The following TRIM5 variants were observed in gnomAD, a reference collection of about 807,000 sequenced individuals.
TRIM5 encodes tripartite motif-containing protein 5.
TRIM5 carries 31 observed loss-of-function variants against 35.6 expected under a neutral mutation model. The observed-to-expected ratio is 0.87, with a 90% CI of 0.65 to 1.18. The LOEUF (loss-of-function observed/expected upper bound fraction) is 1.18. Ranked by LOEUF, TRIM5 falls within the 50% of genes most tolerant of loss-of-function variation. The pLI, the probability that TRIM5 is intolerant of heterozygous loss-of-function variation, is 0.00. For missense variants in TRIM5, 609 were observed against 591.6 expected, an observed-to-expected ratio of 1.03 and a Z score of -0.31; for synonymous variants, 243 against 215.6, an observed-to-expected ratio of 1.13 and a Z score of -1.11.
At chr11:5,600,105 G>A in the TRIM5 span, among the ~76,000 whole-genome samples, 1 of 152,182 alleles carries the variant, frequency 6.6e-6, no homozygotes, top group African/African-American at 2.4e-5. Context: ...CCAGTTAGAT[G>A]CACAGAGTTC....
At chr11:5,596,562 T>TTCCCCCTTCCCCC in the TRIM5 span, 1 of 65,750 alleles carries the variant, frequency 1.5e-5, no homozygotes, top group African/African-American at 6.9e-5. Flanking sequence ...CCCCTTCCCC[T>TTCCCCCTTCCCCC]CCCCCATCTC....
chr11:5,667,736 A>C (rs537979076), intron 4 of TRIM5, 25 bp from the exon 5 acceptor site: 1 of 1,612,544 alleles, frequency 6.2e-7, no homozygotes, highest in East Asian at 2.2e-5. Flanking sequence ...GAAAACATCA[A>C]TTAAGAAAGA....
chr11:5,604,638 G>A, the TRIM5 span: 18 of 1,608,956 alleles, frequency 1.1e-5, no homozygotes, highest in Non-Finnish European at 1.5e-5. Flanking sequence ...AGGCAAGGGA[G>A]ACTTTTTCTG....
At chr11:5,615,669 C>T in the TRIM5 span, among the ~76,000 whole-genome samples, 4 of 151,096 alleles carry the variant, frequency 2.6e-5, no homozygotes, top group African/African-American at 7.3e-5. Context: ...TCTTGGCTAA[C>T]TGCAACCTCT....
At chr11:5,611,016 T>G in the TRIM5 span, 1 of 1,614,054 alleles carries the variant, frequency 6.2e-7, no homozygotes, top group Admixed American at 1.7e-5. Context: ...ACCTACATTC[T>G]CTTTCAACCA....
the TRIM5 span, chr11:5,634,634 C>A: frequency 6.2e-7 from 1 of 1,611,312 alleles, no homozygotes; most frequent in South Asian, 1.1e-5. Flanking sequence ...CTTGCAGTAT[C>A]AGGTACAAAC....
At chr11:5,643,112 T>TAC in the TRIM5 span, 7 of 1,135,032 alleles carry the variant, frequency 6.2e-6, no homozygotes, top group Admixed American at 1.3e-4. Flanking sequence ...TATATTCATA[T>TAC]ACATATATAT....
chr11:5,611,684 C>T, the TRIM5 span: 2 of 223,232 alleles, frequency 9.0e-6, no homozygotes, highest in Admixed American at 5.2e-5. Context: ...AACTCCTGAC[C>T]GCAAGTGATC....
chr11:5,605,610 G>A, the TRIM5 span: 1 of 1,564,824 alleles, frequency 6.4e-7, no homozygotes, highest in Non-Finnish European at 8.6e-7. Flanking sequence ...TCAAGGAAAA[G>A]AGAAACTAAC....
At position 5,679,850 on chromosome 11, in the gene TRIM5, C is replaced by A. The variant is rs146215995; in HGVS notation, c.328G>T (p.Gly110Trp). Reference sequence around the variant, plus strand: ...TCACAAAGCCAGCAAATGACCTTCCCGTCCTCCTGACAGAAGAGTAGAAGT... The same window carrying A: ...TCACAAAGCCAGCAAATGACCTTCCAGTCCTCCTGACAGAAGAGTAGAAGT... ...EKLLLFCQED[G>W]KVICWLCERS... The change falls in exon 2 of 8, where the codon GGG becomes TGG. Residue 110 changes from glycine (G) to tryptophan (W), a missense_variant. Gly to Trp is a radical substitution (Grantham distance 184). Transcript: ENST00000380034. The A allele has an allele frequency of 1.9e-6, 3 of 1,613,640 alleles. No individual in the cohort carries two copies. The highest frequency in any genetic ancestry group is 2.5e-6 in the Non-Finnish European group (3 of 1,179,934).
chr11:5,667,432 C>T lies in TRIM5; in HGVS notation c.767+257G>A, dbSNP rs560389590. On this transcript the variant is annotated intron_variant, in intron 5 of 7. Coordinates refer to ENST00000380034, the MANE Select transcript of TRIM5 (RefSeq NM_033034.3). ...CCACGTTGGCCAGGCTAGTCTCAAACTCCTGATCTTCCTGACTCGGCGTCC... is the reference window on the plus strand; with the variant it reads ...CCACGTTGGCCAGGCTAGTCTCAAATTCCTGATCTTCCTGACTCGGCGTCC... Among the ~76,000 whole-genome samples the T allele has an allele frequency of 2.1e-3, 322 of 152,274 alleles. 3 individuals carry two copies. The highest frequency in any genetic ancestry group is 7.1e-3 in the African/African-American group (297 of 41,550).
At chr11:5,628,584 C>T in the TRIM5 span, among the ~76,000 whole-genome samples, 1 of 152,162 alleles carries the variant, frequency 6.6e-6, no homozygotes, top group African/African-American at 2.4e-5. Context: ...AGGTTTATCT[C>T]CATACAGCTT....
the TRIM5 span, chr11:5,610,788 C>T: frequency 1.2e-5 from 20 of 1,613,896 alleles, no homozygotes; most frequent in African/African-American, 2.1e-4. Context: ...TGACGTGACC[C>T]TGAATCCACA....
chr11:5,615,932 CA>C, the TRIM5 span, among the ~76,000 whole-genome samples: 4 of 102,460 alleles, frequency 3.9e-5, 1 homozygote, highest in African/African-American at 3.5e-5. Flanking sequence ...CATATCTTTT[CA>C]TTTTTTTTTT....
intron 4 of TRIM5, among the ~76,000 whole-genome samples, chr11:5,674,339 A>G (rs1374723149): frequency 2.0e-5 from 3 of 152,204 alleles, no homozygotes; most frequent in Non-Finnish European, 4.4e-5. Context: ...GAACTAAGAA[A>G]TAGGGTGGGA....
the TRIM5 span, among the ~76,000 whole-genome samples, chr11:5,606,842 G>A: frequency 0.22 from 33,258 of 152,034 alleles, 3,648 homozygotes; most frequent in Middle Eastern, 0.36. Context: ...TAAACTTTCT[G>A]GAATTTTCCC....
the TRIM5 span, among the ~76,000 whole-genome samples, chr11:5,649,751 G>T: frequency 6.6e-6 from 1 of 152,210 alleles, no homozygotes; most frequent in Non-Finnish European, 1.5e-5. Context: ...ACTAGGAATA[G>T]TAGTGAGTGG....
the TRIM5 span, chr11:5,604,686 A>C: frequency 1.6e-5 from 25 of 1,566,890 alleles, no homozygotes; most frequent in Non-Finnish European, 2.2e-5. Context: ...AGGTCATAGG[A>C]GCTGAGGGCA....
At chr11:5,654,581 G>A in the TRIM5 span, among the ~76,000 whole-genome samples, 6 of 152,108 alleles carry the variant, frequency 3.9e-5, no homozygotes, top group South Asian at 4.1e-4. Flanking sequence ...GCTAGTCTTC[G>A]AACACCTGGG....
Sources: gnomAD v4.1 joint callset for allele counts (sites outside exome capture counted in the v4.1 genomes callset) on GRCh38, gnomAD v4.1.1 for gene constraint, MANE v1.5 for transcripts, NCBI Gene and HGNC (gene_info 2026-07-23, HGNC 2026-07-21) for gene names.